Variants in DNAH7 observed in about 807,000 individuals in gnomAD.
DNAH7 encodes the protein axonemal beta dynein heavy chain 7.
Under a neutral mutation model 444.6 loss-of-function variants are expected in DNAH7, and 397 were observed. That is an observed-to-expected ratio of 0.89 (90% CI 0.82 to 0.97). The LOEUF (loss-of-function observed/expected upper bound fraction) is 0.97. Ranked by LOEUF, DNAH7 falls within the 50% of genes least tolerant of loss-of-function variation. The probability of loss-of-function intolerance (pLI) is 0.00; values close to 1 mark genes in which losing one functional copy is unlikely to be tolerated. For missense variants in DNAH7, 4,902 were observed against 4,800.8 expected (o/e 1.02, Z -0.62); for synonymous variants, 1,636 against 1,624.4 (o/e 1.01, Z -0.17).
At chr2:195,991,615 AAAC>A (rs1437149487) in intron 12 of DNAH7, among the ~76,000 whole-genome samples, 3 of 152,226 alleles carry the variant, frequency 2.0e-5, no homozygotes, top group African/African-American at 7.2e-5. Flanking sequence ...AACTTCAATA[AAAC>A]AACTGCTATG....
rs201518978 is a variant in DNAH7 at position 195,988,135 on chromosome 2, T to A, written c.1448A>T (p.Glu483Val). The A allele has an allele frequency of 1.0e-4, 164 of 1,613,590 alleles. No homozygotes were observed. The highest frequency in any genetic ancestry group is 1.3e-4 in the Non-Finnish European group (157 of 1,179,748). The change falls in exon 13 of 65, where the codon GAG (glutamate) becomes GTG (valine). Residue 483 changes from glutamate (E) to valine (V), a missense_variant. Physicochemically the swap from Glu to Val is moderately radical, Grantham distance 121. Transcript: ENST00000312428. ...KEKIKEVIMK[E>V]SVAPTEHLRL... ...GAGGTGCTCAGTAGGTGCCACACTC[T>A]CTTTCATAATAACTTCCTTGATCTT...
At chr2:196,003,549 T>G (rs1407840865) in intron 10 of DNAH7, among the ~76,000 whole-genome samples, 1 of 152,188 alleles carries the variant, frequency 6.6e-6, no homozygotes, top group Admixed American at 6.5e-5. Context: ...AAATAAATAT[T>G]GTTTTTAAAA....
At chr2:196,025,755 C>G (rs1695643301) in intron 7 of DNAH7, among the ~76,000 whole-genome samples, 1 of 152,092 alleles carries the variant, frequency 6.6e-6, no homozygotes, top group Admixed American at 6.6e-5. Context: ...ACTCTGAGGG[C>G]AGGGATTAGG....
Position 195,884,716 on chromosome 2 carries a change from C to T in DNAH7, c.5632G>A (p.Glu1878Lys). ...CGAGTTCGATCTGAAATTGGACTTT[C>T]CATTAGTTCTCGAAGAATCTTATTA... ...KFNKILRELM[E>K]SPISDRTRNT... is the part of the protein sequence containing the mutation. Residue 1878 changes from glutamate to lysine, a missense_variant, in exon 35 of 65, where the codon GAA becomes AAA. Transcript: ENST00000312428. 9 of 1,614,164 alleles carry T rather than the reference C, an allele frequency of 5.6e-6. No homozygotes were observed. The highest frequency in any genetic ancestry group is 7.6e-6 in the Non-Finnish European group (9 of 1,180,018).
intron 47 of DNAH7, among the ~76,000 whole-genome samples, chr2:195,840,993 A>G (rs1698649692): frequency 6.6e-6 from 1 of 151,844 alleles, no homozygotes; most frequent in Non-Finnish European, 1.5e-5. Context: ...AAAAAGAAGA[A>G]CAAATGTGAA....
rs145685227 is a variant in DNAH7 at position 196,068,327 on chromosome 2, G to C, written c.15+370C>G. On this transcript the variant is annotated intron_variant, in intron 1 of 64. Transcript: ENST00000312428. ...TAAGAGATTTGTCCAAAGTCACATGGCTAGGAGTTGGCTTCGATTCCCACC... is the reference window on the plus strand; with the variant it reads ...TAAGAGATTTGTCCAAAGTCACATGCCTAGGAGTTGGCTTCGATTCCCACC... 353 of 320,450 alleles carry C rather than the reference G, an allele frequency of 1.1e-3. 1 individual carries two copies. Among genetic ancestry groups the C allele is most frequent in the African/African-American group, 7.0e-3 (329 of 47,030 alleles). The allele number at this position is 320,450 out of a possible 1,614,324, so 19.9% of individuals were successfully genotyped here.
At chr2:196,023,461 T>C (rs1695500920) in intron 8 of DNAH7, among the ~76,000 whole-genome samples, 3 of 152,226 alleles carry the variant, frequency 2.0e-5, no homozygotes, top group African/African-American at 4.8e-5. Flanking sequence ...CTTGCTCCGT[T>C]ATGGAGATTG....
intron 24 of DNAH7, among the ~76,000 whole-genome samples, chr2:195,916,307 A>T (rs995853573): frequency 1.3e-5 from 2 of 152,176 alleles, no homozygotes; most frequent in African/African-American, 4.8e-5. Flanking sequence ...AAAGGTAAAA[A>T]TTATCTGTGA....
Position 195,857,365 on chromosome 2 carries a change from A to T in DNAH7, c.8414+12T>A, listed in dbSNP as rs1376640826. 1.3e-6 allele frequency: 2 copies of T among 1,537,210 alleles called. No individual in the cohort carries two copies. The highest frequency in any genetic ancestry group is 2.2e-5 in the Admixed American group (1 of 46,276). On this transcript the variant is annotated intron_variant, in intron 44 of 64. Transcript: ENST00000312428. ...GACCATACCAGCTGGATTTCTTTTT[A>T]TCAGCACTTACTTATCATATGAATC... is the stretch of plus-strand genomic sequence containing the variant.
At chr2:196,040,874 G>T (rs1195568984) in intron 5 of DNAH7, among the ~76,000 whole-genome samples, 1 of 152,040 alleles carries the variant, frequency 6.6e-6, no homozygotes, top group Non-Finnish European at 1.5e-5. Flanking sequence ...CAGCAAAGCT[G>T]CAAGATACAA....
At chr2:195,753,320 G>A (rs1166734605) in intron 63 of DNAH7, among the ~76,000 whole-genome samples, 3 of 152,094 alleles carry the variant, frequency 2.0e-5, no homozygotes, top group Non-Finnish European at 2.9e-5. Flanking sequence ...AAATATCCCC[G>A]GGAATAGTAG....
Position 195,738,124 on chromosome 2 carries a change from A to G in DNAH7, c.11872T>C (p.Trp3958Arg), listed in dbSNP as rs1559059605. 3 of 1,613,594 alleles carry G rather than the reference A, an allele frequency of 1.9e-6. No homozygotes were observed. The South Asian group carries it at 3.3e-5, about 18-fold the overall frequency. The change falls in exon 65 of 65, where the codon TGG (tryptophan) becomes CGG (arginine). Residue 3958 changes from tryptophan (W) to arginine (R), a missense_variant. Coordinates refer to ENST00000312428, the MANE Select transcript of DNAH7 (RefSeq NM_018897.3). ...TCTGCCCTCTTACAGGGCTTTAGCC[A>G]CATCTGGAAGAAAGTACATAACACC... ...KILYDTVPVM[W>R]LKPCKRADIP...
chr2:195,902,456 A>C (rs1467412394), intron 27 of DNAH7: 1 of 151,692 alleles, frequency 6.6e-6, no homozygotes, highest in African/African-American at 2.4e-5. Context: ...CTCAACAACT[A>C]CTTTTTTAAA....
intron 48 of DNAH7, 101 bp from the exon 49 acceptor site, chr2:195,824,546 C>A: frequency 9.8e-7 from 1 of 1,017,102 alleles, no homozygotes. Flanking sequence ...TAGATAAATT[C>A]TGTTCCTAGA....
In DNAH7 at chr2:196,048,400, C is replaced by T; in HGVS notation, c.146G>A (p.Ser49Asn). 1 of 1,613,030 alleles carries T rather than the reference C, an allele frequency of 6.2e-7. No homozygotes were observed. Among genetic ancestry groups the T allele is most frequent in the Non-Finnish European group, 8.5e-7 (1 of 1,179,610 alleles). ...ARALPQLSMVSTKPHWQQAAP... is the reference protein window; with the variant it reads ...ARALPQLSMVNTKPHWQQAAP... ...TGCCTGCTGCCAGTGGGGCTTTGTA[C>T]TCACCTAAAATACAAAATTTAAATA... Residue 49 changes from serine to asparagine, a missense_variant, in exon 4 of 65, where the codon AGT becomes AAT. Coordinates refer to ENST00000312428, the MANE Select transcript of DNAH7 (RefSeq NM_018897.3).
intron 19 of DNAH7, among the ~76,000 whole-genome samples, chr2:195,950,804 A>G (rs900904326): frequency 6.7e-5 from 9 of 133,524 alleles, no homozygotes; most frequent in Non-Finnish European, 9.2e-5. Context: ...GTGAGCCAAG[A>G]CCATGCCACT....
At chr2:195,808,237 A>G (rs1696799292) in intron 53 of DNAH7, among the ~76,000 whole-genome samples, 1 of 152,240 alleles carries the variant, frequency 6.6e-6, no homozygotes, top group African/African-American at 2.4e-5. Flanking sequence ...CTCCCCAGTT[A>G]GTAAAACAAG....
intron 58 of DNAH7, among the ~76,000 whole-genome samples, chr2:195,779,513 G>A (rs1317919863): frequency 6.6e-6 from 1 of 151,982 alleles, no homozygotes; most frequent in Non-Finnish European, 1.5e-5. Context: ...TAGAACAATA[G>A]TGAGGTCCAC....
chr2:195,803,952 T>C (rs765289130), intron 54 of DNAH7, among the ~76,000 whole-genome samples: 2 of 152,198 alleles, frequency 1.3e-5, no homozygotes, highest in Admixed American at 1.3e-4. Flanking sequence ...TTTTTTCTAC[T>C]GGTGATTTAG....
Sources: gnomAD v4.1 joint callset for allele counts (sites outside exome capture counted in the v4.1 genomes callset) on GRCh38, gnomAD v4.1.1 for gene constraint, MANE v1.5 for transcripts, NCBI Gene and HGNC (gene_info 2026-07-23, HGNC 2026-07-21) for gene names.